PCP4: variants seen among roughly 807,000 people sequenced by gnomAD.
PCP4 encodes calmodulin regulator protein PCP4.
PCP4 carries 8 observed loss-of-function variants against 10.0 expected under a neutral mutation model. The observed-to-expected ratio is 0.80, with a 90% confidence interval of 0.47 to 1.45. The LOEUF is 1.45. Among genes scored for constraint, PCP4 ranks in the 40% most tolerant of loss-of-function variants. PCP4 has a pLI of 0.00. For synonymous variants in PCP4, 21 were observed against 23.0 expected (o/e 0.91, Z 0.24); for missense variants, 54 against 74.4 (o/e 0.73, Z 1.01).
intron 2 of PCP4, chr21:39,926,223 T>G (rs554398985): frequency 3.2e-6 from 1 of 311,206 alleles, no homozygotes; most frequent in Non-Finnish European, 6.5e-6. Context: ...CAATGTAATA[T>G]TTTTCAAATG....
chr21:39,920,124 TGTGTGTGTG>T (rs1256232724), intron 2 of PCP4, among the ~76,000 whole-genome samples: 14 of 141,048 alleles, frequency 9.9e-5, no homozygotes, highest in Non-Finnish European at 1.5e-4. Flanking sequence ...GTGGGGTGTT[TGTGTGTGTG>T]GTGTGTGTGG....
chr21:39,927,329 CTATCTATCTGTCT>C (rs1568863808), intron 2 of PCP4, among the ~76,000 whole-genome samples: 8 of 86,614 alleles, frequency 9.2e-5, no homozygotes, highest in Non-Finnish European at 1.2e-4. Context: ...TATCATCTAT[CTATCTATCTGTCT>C]ATCTATCTAT....
At chr21:39,926,102 C>T (rs376706978) in intron 2 of PCP4, 7 of 455,890 alleles carry the variant, frequency 1.5e-5, no homozygotes, top group Admixed American at 9.4e-5. Flanking sequence ...GGAAGGAGCT[C>T]CTGCCACTCC....
At chr21:39,925,990 C>A in intron 2 of PCP4, 1 of 455,770 alleles carries the variant, frequency 2.2e-6, no homozygotes, top group Non-Finnish European at 4.4e-6. Context: ...GGCCACAGAC[C>A]ATTTGTACTG....
At chr21:39,927,842 C>T (rs761461875) in intron 2 of PCP4, among the ~76,000 whole-genome samples, 9 of 152,078 alleles carry the variant, frequency 5.9e-5, no homozygotes, top group Non-Finnish European at 1.3e-4. Flanking sequence ...TGTCTGGCCT[C>T]CCCACAGGGA....
intron 2 of PCP4, among the ~76,000 whole-genome samples, chr21:39,899,160 G>A (rs1033795301): frequency 8.9e-4 from 136 of 152,270 alleles, no homozygotes; most frequent in Admixed American, 2.5e-3. Flanking sequence ...CTAGAAATGG[G>A]AAGTGCATGG....
intron 1 of PCP4, among the ~76,000 whole-genome samples, chr21:39,885,438 A>T (rs1008194468): frequency 6.6e-6 from 1 of 152,178 alleles, no homozygotes; most frequent in African/African-American, 2.4e-5. Context: ...TGCCCTCACA[A>T]GGCAGCCGAG....
intron 2 of PCP4, among the ~76,000 whole-genome samples, chr21:39,903,328 G>A (rs1028225112): frequency 1.3e-5 from 2 of 152,174 alleles, no homozygotes; most frequent in Non-Finnish European, 2.9e-5. Flanking sequence ...GCGGGTGGAA[G>A]GTGTATGAAC....
chr21:39,900,288 G>T (rs1484992798), intron 2 of PCP4, among the ~76,000 whole-genome samples: 1 of 152,082 alleles, frequency 6.6e-6, no homozygotes, highest in Non-Finnish European at 1.5e-5. Context: ...ACCCGCCTCG[G>T]CCCCCCAAAG....
chr21:39,884,468 C>T (rs570124684), intron 1 of PCP4, among the ~76,000 whole-genome samples: 4 of 151,990 alleles, frequency 2.6e-5, no homozygotes, highest in Non-Finnish European at 4.4e-5. Flanking sequence ...AGTGAGCCAA[C>T]GCACCCAGCT....
In PCP4 at chr21:39,884,421, C is replaced by T. The variant is rs561091934; in HGVS notation, c.10-14055C>T. On this transcript the variant is annotated intron_variant, in intron 1 of 2. Coordinates refer to ENST00000328619, the MANE Select transcript of PCP4 (RefSeq NM_006198.3). The stretch of plus-strand genomic sequence containing the variant: ...CTCAAACTCCCGACCTCAGGTGATC[C>T]GCCTGTCTCAGACTCCCAAAGTGCT... 1.2e-4 allele frequency among the ~76,000 whole-genome samples: 18 copies of T among 151,940 alleles called. 1 individual carries two copies. Among genetic ancestry groups the T allele is most frequent in the African/African-American group, 3.4e-4 (14 of 41,488 alleles).
intron 1 of PCP4, among the ~76,000 whole-genome samples, chr21:39,875,435 G>A (rs917665962): frequency 2.0e-5 from 3 of 152,200 alleles, no homozygotes; most frequent in African/African-American, 4.8e-5. Flanking sequence ...ACGGGCGATG[G>A]TGTGGAGCCT....
chr21:39,879,379 CCTT>C (rs1450246404), intron 1 of PCP4, among the ~76,000 whole-genome samples: 4 of 152,150 alleles, frequency 2.6e-5, no homozygotes, highest in Admixed American at 1.3e-4. Flanking sequence ...CATCCAGGTT[CCTT>C]CTTTGCCGTC....
chr21:39,867,851 G>A (rs1423332897), intron 1 of PCP4, among the ~76,000 whole-genome samples: 1 of 152,150 alleles, frequency 6.6e-6, no homozygotes, highest in Non-Finnish European at 1.5e-5. Context: ...TTCCCGCGGT[G>A]ATACCTTTCA....
chr21:39,921,961 G>A (rs1265231165), intron 2 of PCP4, among the ~76,000 whole-genome samples: 1 of 152,200 alleles, frequency 6.6e-6, no homozygotes, highest in Non-Finnish European at 1.5e-5. Flanking sequence ...ATAAATGCAA[G>A]TGGAATTTTA....
At chr21:39,914,272 C>T (rs562814739) in intron 2 of PCP4, among the ~76,000 whole-genome samples, 1 of 152,252 alleles carries the variant, frequency 6.6e-6, no homozygotes, top group Admixed American at 6.5e-5. Context: ...TTGGCTTCTA[C>T]CTTTCCTTCT....
intron 2 of PCP4, among the ~76,000 whole-genome samples, chr21:39,915,518 G>T (rs753658434): frequency 6.6e-6 from 1 of 152,174 alleles, no homozygotes; most frequent in Non-Finnish European, 1.5e-5. Context: ...AATAGAGAAG[G>T]TTATTTCTCT....
intron 1 of PCP4, among the ~76,000 whole-genome samples, chr21:39,898,065 AAAG>A (rs1568855832): frequency 6.6e-6 from 1 of 151,654 alleles, no homozygotes; most frequent in African/African-American, 2.4e-5. Context: ...AAAAAAAAAA[AAAG>A]AAGACATTGG....
chr21:39,919,043 G>A (rs540938086), intron 2 of PCP4, among the ~76,000 whole-genome samples: 7 of 152,212 alleles, frequency 4.6e-5, no homozygotes, highest in Non-Finnish European at 1.0e-4. Context: ...AACACTAGAC[G>A]CCTTATTCTC....
Sources: gnomAD v4.1 joint callset for allele counts (sites outside exome capture counted in the v4.1 genomes callset) on GRCh38, gnomAD v4.1.1 for gene constraint, MANE v1.5 for transcripts, NCBI Gene and HGNC (gene_info 2026-07-23, HGNC 2026-07-21) for gene names.